RPRD2: variants seen among roughly 807,000 people sequenced by gnomAD.
The protein encoded by RPRD2 is regulation of nuclear pre-mRNA domain containing 2.
In RPRD2, 12 loss-of-function variants were observed where a neutral mutation model predicts 104.4. The ratio of observed to expected loss-of-function variants is 0.11; its 90% confidence interval spans 0.07 to 0.19. The LOEUF is 0.19. Among genes scored for constraint, RPRD2 ranks in the 10% least tolerant of loss-of-function variants. The pLI is 1.00. For synonymous variants in RPRD2, 714 were observed against 684.9 expected, an observed-to-expected ratio of 1.04 and a Z score of -0.66; for missense variants, 1,543 against 1,790.1, an observed-to-expected ratio of 0.86 and a Z score of 2.49.
At position 150,364,654 on chromosome 1, in the gene RPRD2, TCCC is replaced by T; in HGVS notation, c.-60_-58del. On this transcript the variant is annotated 5_prime_UTR_variant, in exon 1 of 11. Transcript: ENST00000369068. ...CACTCGCAGTGATTGTTTTGCCCGC[TCCC>T]GCCGCCGCCGCCGCCGCCGCCGCCA... The T allele has an allele frequency of 1.1e-6, 1 of 883,644 alleles. No individual in the cohort carries two copies. The highest frequency in any genetic ancestry group is 1.7e-6 in the Non-Finnish European group (1 of 579,832). 54.7% of individuals were successfully genotyped at this position (883,644 alleles called of 1,614,324 possible).
intron 2 of RPRD2, among the ~76,000 whole-genome samples, chr1:150,427,587 C>G (rs1417478778): frequency 6.6e-6 from 1 of 151,988 alleles, no homozygotes; most frequent in Admixed American, 6.6e-5. Flanking sequence ...TTGCTTGAAC[C>G]CAGGAGTTTG....
At chr1:150,396,312 C>T (rs59367061) in intron 1 of RPRD2, among the ~76,000 whole-genome samples, 7,201 of 151,630 alleles carry the variant, frequency 0.047, 433 homozygotes, top group African/African-American at 0.13. Flanking sequence ...TGTCTGTTTA[C>T]TCTTGCTGAC....
chr1:150,441,110 T>C (rs587766179), intron 3 of RPRD2, 87 bp downstream of exon 3: 247 of 632,294 alleles, frequency 3.9e-4, no homozygotes, highest in South Asian at 7.7e-4. Context: ...TGTTGTATAA[T>C]AGTGAAAAAT....
intron 2 of RPRD2, among the ~76,000 whole-genome samples, chr1:150,423,695 G>T (rs1664917951): frequency 6.6e-6 from 1 of 151,730 alleles, no homozygotes; most frequent in African/African-American, 2.4e-5. Context: ...GCACCAACAT[G>T]ATGCACACAG....
rs782248003 is a variant in RPRD2, at chr1:150,443,266, A to G, written c.550A>G (p.Ile184Val). 18 of 1,575,686 alleles carry G rather than the reference A, an allele frequency of 1.1e-5. No homozygotes were observed. Among genetic ancestry groups the G allele is most frequent in the Non-Finnish European group, 1.5e-5 (17 of 1,158,906 alleles). The change falls in exon 5 of 11, where the codon ATA becomes GTA. Residue 184 changes from isoleucine (I) to valine (V), a missense_variant. Around this residue, in one of 4 missense-constraint regions of RPRD2, gnomAD observed 572 missense variants for 787.3 expected, o/e 0.73. Coordinates refer to ENST00000369068, the MANE Select transcript of RPRD2 (RefSeq NM_015203.5). ...TCCAAAAGCTGCTCTCAAGTCTAAG[A>G]TAGTTGCTGAATTTCGAGTAAGTTA... ...TNPKAALKSK[I>V]VAEFRSQALI...
intron 2 of RPRD2, among the ~76,000 whole-genome samples, 185 bp downstream of exon 2, chr1:150,417,910 T>TTCTC (rs140431392): frequency 0.11 from 16,830 of 150,550 alleles, 986 homozygotes; most frequent in African/African-American, 0.13. Flanking sequence ...TCTTTTCTTT[T>TTCTC]TCTCTCTCTC....
At chr1:150,437,530 A>G (rs1553893432) in intron 2 of RPRD2, among the ~76,000 whole-genome samples, 2 of 152,168 alleles carry the variant, frequency 1.3e-5, no homozygotes, top group Non-Finnish European at 2.9e-5. Context: ...ACATAATGCT[A>G]TTGCACACTT....
intron 2 of RPRD2, among the ~76,000 whole-genome samples, chr1:150,431,370 A>G (rs1406637963): frequency 6.6e-6 from 1 of 152,220 alleles, no homozygotes; most frequent in Admixed American, 6.5e-5. Context: ...CATTATTCAC[A>G]GTAGTCAAAA....
rs1661661325 is a variant in RPRD2, at chr1:150,387,566, C to CTTTTTTTTTTTTTTTTTTTTTTTTTTTTT, written c.205+22647_205+22648insTTTTTTTTTTTTTTTTTTTTTTTTTTTTT. ...TAAATCTTACAGAAGTTGCAACAGA[C>CTTTTTTTTTTTTTTTTTTTTTTTTTTTTT]CTTTTTTTTTTTTTTTTTTTTTTTT... On this transcript the variant is annotated intron_variant, in intron 1 of 10. Transcript: ENST00000369068. 4.3e-5 allele frequency among the ~76,000 whole-genome samples: 3 copies of CTTTTTTTTTTTTTTTTTTTTTTTTTTTTT among 70,116 alleles called. 1 individual carries two copies. Among genetic ancestry groups the CTTTTTTTTTTTTTTTTTTTTTTTTTTTTT allele is most frequent in the Non-Finnish European group, 5.9e-5 (2 of 34,170 alleles). 46.0% of individuals were successfully genotyped at this position (70,116 alleles called of 152,430 possible). A position where few individuals can be genotyped will look rare whatever the true frequency, so the allele number is the denominator to read the frequency against.
intron 2 of RPRD2, among the ~76,000 whole-genome samples, chr1:150,438,017 C>G (rs1572476551): frequency 6.7e-6 from 1 of 148,316 alleles, no homozygotes. Context: ...GGAACCGTGG[C>G]TCACGCCTGT....
At chr1:150,435,251 A>G (rs587724253) in intron 2 of RPRD2, among the ~76,000 whole-genome samples, 1 of 152,148 alleles carries the variant, frequency 6.6e-6, no homozygotes, top group African/African-American at 2.4e-5. Context: ...ATCTCCTGGG[A>G]CCTCCTTATT....
At chr1:150,404,719 C>T (rs587648979) in intron 1 of RPRD2, among the ~76,000 whole-genome samples, 1 of 152,142 alleles carries the variant, frequency 6.6e-6, no homozygotes, top group Non-Finnish European at 1.5e-5. Context: ...GTACTCTTTC[C>T]CCAGCCTCTT....
chr1:150,365,013 T>G, intron 1 of RPRD2, 94 bp downstream of exon 1: 1 of 1,316,848 alleles, frequency 7.6e-7, no homozygotes, highest in Non-Finnish European at 1.1e-6. Context: ...AGCCGCAGCA[T>G]TTGGTTGGGG....
rs1371746610 is a variant in RPRD2, at chr1:150,474,367, T to A, written c.*1033T>A. 1.3e-5 allele frequency: 2 copies of A among 152,158 alleles called. No individual in the cohort carries two copies. Among genetic ancestry groups the A allele is most frequent in the Non-Finnish European group, 2.9e-5 (2 of 68,018 alleles). 9.4% of individuals were successfully genotyped at this position (152,158 alleles called of 1,614,324 possible). A position where few individuals can be genotyped will look rare whatever the true frequency, so the allele number is the denominator to read the frequency against. On this transcript the variant is annotated 3_prime_UTR_variant, in exon 11 of 11. Coordinates refer to ENST00000369068, the MANE Select transcript of RPRD2 (RefSeq NM_015203.5). ...AAGAAATATTTGTCTTTATCTTCCT[T>A]TTCCCCTTGCCTCAGTCGTGTTATT...
chr1:150,449,534 T>G (rs1553896162), intron 7 of RPRD2, among the ~76,000 whole-genome samples: 2 of 152,080 alleles, frequency 1.3e-5, no homozygotes, highest in African/African-American at 4.8e-5. Context: ...TCTCTCTTCC[T>G]CTCTTCCTTT....
At chr1:150,423,997 G>A (rs1416243247) in intron 2 of RPRD2, among the ~76,000 whole-genome samples, 1 of 151,880 alleles carries the variant, frequency 6.6e-6, no homozygotes, top group Non-Finnish European at 1.5e-5. Context: ...TCTCCATGTT[G>A]GTCAGTCTGA....
chr1:150,399,287 G>T (rs1662786158), intron 1 of RPRD2, among the ~76,000 whole-genome samples: 1 of 152,142 alleles, frequency 6.6e-6, no homozygotes, highest in Non-Finnish European at 1.5e-5. Flanking sequence ...TACAGGCATA[G>T]AAGTTTTATA....
chr1:150,399,881 CTT>C (rs1267313627), intron 1 of RPRD2, among the ~76,000 whole-genome samples: 1 of 151,964 alleles, frequency 6.6e-6, no homozygotes, highest in Non-Finnish European at 1.5e-5. Context: ...TATTGTGGGT[CTT>C]TTGTTTTTCC....
chr1:150,376,800 G>A (rs1660733579), intron 1 of RPRD2, among the ~76,000 whole-genome samples: 1 of 150,244 alleles, frequency 6.7e-6, no homozygotes, highest in African/African-American at 2.4e-5. Flanking sequence ...GCGCCCGGCC[G>A]ATACAGTCTT....
Sources: allele counts gnomAD v4.1 joint callset (sites outside exome capture counted in the v4.1 genomes callset), GRCh38; gene constraint gnomAD v4.1.1; regional missense constraint gnomAD v4.1.1; transcripts MANE v1.5; gene names NCBI Gene and HGNC (gene_info 2026-07-23, HGNC 2026-07-21).